Variants in DISP3 observed in about 807,000 individuals in gnomAD.
DISP3 encodes protein dispatched homolog 3.
A neutral mutation model predicts 135.3 loss-of-function variants in DISP3; 101 were observed. The observed-to-expected ratio is 0.75, with a 90% confidence interval of 0.64 to 0.88. DISP3 has a LOEUF of 0.88. Among genes scored for constraint, DISP3 ranks in the 40% least tolerant of loss-of-function variants. The pLI, the probability that DISP3 is intolerant of heterozygous loss-of-function variation, is 0.00. For synonymous variants in DISP3, 856 were observed against 817.0 expected (o/e 1.05, Z -0.81); for missense variants, 1,713 against 1,878.6 (o/e 0.91, Z 1.63).
intron 2 of DISP3, 22 bp from the exon 3 acceptor site, chr1:11,502,656 G>GC (rs1404028479): frequency 1.2e-6 from 2 of 1,605,734 alleles, no homozygotes; most frequent in African/African-American, 2.7e-5. Context: ...AACTCTTGGG[G>GC]CCCCCACCCC....
intron 1 of DISP3, among the ~76,000 whole-genome samples, chr1:11,489,561 C>T (rs1237213992): frequency 3.3e-5 from 5 of 152,184 alleles, no homozygotes; most frequent in African/African-American, 9.7e-5. Flanking sequence ...AGAGAGGTGA[C>T]GGGGAGCCTC....
At chr1:11,534,726 C>A in intron 18 of DISP3, 186 bp downstream of exon 18, 1 of 817,542 alleles carries the variant, frequency 1.2e-6, no homozygotes, top group Non-Finnish European at 1.9e-6. Flanking sequence ...TCGGGGGCAT[C>A]TGGCCACGTT....
chr1:11,493,946 C>G (rs1412222320), intron 1 of DISP3, among the ~76,000 whole-genome samples: 4 of 152,210 alleles, frequency 2.6e-5, no homozygotes, highest in African/African-American at 9.7e-5. Flanking sequence ...GCAGAATTGC[C>G]AGGCCCCGAG....
rs763666078 is a variant in DISP3, at chr1:11,501,043, G to A, written c.51G>A (p.Glu17=). The stretch of plus-strand genomic sequence containing the variant: ...TGCAGGATGTGTGGCTAGAGGAGGA[G>A]CAGGAGGAGGAAGAAGCAACGGGTG... ...PLLQDVWLEE[E]QEEEEATGET... Residue 17 remains glutamate (E), a synonymous_variant, in exon 2 of 21, where the codon GAG becomes GAA. Transcript: ENST00000294484. The surrounding 1 kb of genome is among the most constrained non-coding windows in gnomAD (Gnocchi z 4.9). The A allele has an allele frequency of 4.3e-6, 7 of 1,613,968 alleles. No homozygotes were observed. The East Asian group carries it at 8.9e-5, about 21-fold the overall frequency.
At chr1:11,525,656 G>C (rs1642394245) in intron 12 of DISP3, among the ~76,000 whole-genome samples, 1 of 152,382 alleles carries the variant, frequency 6.6e-6, no homozygotes, top group South Asian at 2.1e-4. Context: ...GGTGAGGCCT[G>C]TGCCGTGCAG....
chr1:11,536,716 T>A lies in DISP3; in HGVS notation c.*30T>A. ...GGACGGGCTCTGGACACTTGCACCT[T>A]TGGTCCCATGGGTGGGGGACAGGAG... On this transcript the variant is annotated 3_prime_UTR_variant, in exon 21 of 21. Transcript: ENST00000294484. This position sits in a 1 kb window ranked among gnomAD's most constrained non-coding sequence, Gnocchi z 4.3. 6.7e-7 allele frequency: 1 copy of A among 1,496,426 alleles called. No individual in the cohort carries two copies. Among genetic ancestry groups the A allele is most frequent in the Non-Finnish European group, 8.9e-7 (1 of 1,124,594 alleles). 92.7% of individuals were successfully genotyped at this position (1,496,426 alleles called of 1,614,324 possible).
At position 11,501,839 on chromosome 1, in the gene DISP3, G is replaced by C. The variant is rs1261011486; in HGVS notation, c.847G>C (p.Gly283Arg). The C allele has an allele frequency of 6.2e-7, 1 of 1,611,706 alleles. No homozygotes were observed. The highest frequency in any genetic ancestry group is 1.1e-5 in the South Asian group (1 of 90,910). ...CATCGAGCTCATCTTCCTGGCGCGC[G>C]GCGACGCGGAGCGCAACATTTTCAC... is the stretch of plus-strand genomic sequence containing the variant. ...WRIELIFLAR[G>R]DAERNIFTSE... Residue 283 changes from glycine (G) to arginine (R), a missense_variant, in exon 2 of 21, where the codon GGC becomes CGC. By Grantham distance (125) the Gly-to-Arg change is moderately radical. Coordinates refer to ENST00000294484, the MANE Select transcript of DISP3 (RefSeq NM_020780.2). The surrounding 1 kb of genome is among the most constrained non-coding windows in gnomAD (Gnocchi z 4.9).
chr1:11,521,383 G>A (rs1180852876), intron 10 of DISP3, among the ~76,000 whole-genome samples: 23 of 121,816 alleles, frequency 1.9e-4, no homozygotes, highest in South Asian at 3.1e-4. Flanking sequence ...AGGAGAGAAG[G>A]GGTGGGGTTA....
Position 11,531,600 on chromosome 1 carries a change from C to T in DISP3, c.3265C>T (p.Pro1089Ser), listed in dbSNP as rs1642577854. The T allele has an allele frequency of 1.9e-6, 3 of 1,613,568 alleles. No homozygotes were observed. Among genetic ancestry groups the T allele is most frequent in the Non-Finnish European group, 2.5e-6 (3 of 1,179,966 alleles). ...SISSFLQMLH[P>S]ECKELPEPNL... Reference sequence around the variant, plus strand: ...CTCCTCCTTCCTGCAGATGTTGCACCCTGAGTGCAAGGAGCTGCCCGAGCC... The same window carrying T: ...CTCCTCCTTCCTGCAGATGTTGCACTCTGAGTGCAAGGAGCTGCCCGAGCC... The change falls in exon 17 of 21, where the codon CCT becomes TCT. Residue 1089 changes from proline (P) to serine (S), a missense_variant. Transcript: ENST00000294484. The surrounding 1 kb of genome is among the most constrained non-coding windows in gnomAD (Gnocchi z 5.2).
chr1:11,519,487 G>A lies in DISP3; in HGVS notation c.2022G>A (p.Glu674=), dbSNP rs1192474369. The part of the protein sequence containing the change: ...PYLDDDIPLL[E]VEEEPVSLEL... ...TGGATGATGACATCCCCTTGCTGGA[G>A]GTCGAGGAAGAGCCAGGTGAGAGCT... is the stretch of plus-strand genomic sequence containing the variant. Residue 674 remains glutamate (E), a synonymous_variant, in exon 8 of 21, where the codon GAG becomes GAA. Transcript: ENST00000294484. The surrounding 1 kb of genome is among the most constrained non-coding windows in gnomAD (Gnocchi z 4.3). 6.2e-7 allele frequency: 1 copy of A among 1,613,620 alleles called. No individual in the cohort carries two copies. Among genetic ancestry groups the A allele is most frequent in the East Asian group, 2.2e-5 (1 of 44,880 alleles).
chr1:11,498,923 C>T (rs1641419806), intron 1 of DISP3, among the ~76,000 whole-genome samples: 1 of 152,162 alleles, frequency 6.6e-6, no homozygotes, highest in Non-Finnish European at 1.5e-5. Flanking sequence ...GCCTCCAAAG[C>T]CGTAGCTCTT....
intron 10 of DISP3, among the ~76,000 whole-genome samples, chr1:11,523,294 A>T (rs1384968186): frequency 6.6e-6 from 1 of 152,108 alleles, no homozygotes; most frequent in Non-Finnish European, 1.5e-5. Flanking sequence ...ACAGGAATAT[A>T]TGTCTCCCAC....
chr1:11,480,952 C>T (rs893627133), intron 1 of DISP3, among the ~76,000 whole-genome samples: 5 of 151,710 alleles, frequency 3.3e-5, no homozygotes, highest in Admixed American at 1.3e-4. Context: ...TTTCTCTAAC[C>T]TTAGTCCAGA....
chr1:11,513,495 A>G (rs940328818), intron 3 of DISP3, among the ~76,000 whole-genome samples: 1 of 152,164 alleles, frequency 6.6e-6, no homozygotes, highest in African/African-American at 2.4e-5. Flanking sequence ...TTTAATGGGA[A>G]GTCTGCTGTC....
At chr1:11,488,059 G>C (rs139654182) in intron 1 of DISP3, among the ~76,000 whole-genome samples, 1 of 152,282 alleles carries the variant, frequency 6.6e-6, no homozygotes, top group East Asian at 1.9e-4. Context: ...GCAGGGTGGG[G>C]GTGTGAGGGA....
intron 17 of DISP3, chr1:11,533,920 C>T: frequency 1.4e-6 from 1 of 711,392 alleles, no homozygotes; most frequent in South Asian, 1.5e-5. Flanking sequence ...TTGCAATTCA[C>T]AGTCCCACCT....
In DISP3 at chr1:11,535,469, T is replaced by G. The variant is rs368011462; in HGVS notation, c.3650-9T>G. On this transcript the variant is annotated splice_polypyrimidine_tract_variant and intron_variant, in intron 19 of 20. Coordinates refer to ENST00000294484, the MANE Select transcript of DISP3 (RefSeq NM_020780.2). ...GATCCGAGCTGCCCCCCCTGCTGTCTCCTTGCAGGCATCGTGTGCCTGGTG... is the reference window on the plus strand; with the variant it reads ...GATCCGAGCTGCCCCCCCTGCTGTCGCCTTGCAGGCATCGTGTGCCTGGTG... 107 of 1,599,434 alleles carry G rather than the reference T, an allele frequency of 6.7e-5. No individual in the cohort carries two copies. The highest frequency in any genetic ancestry group is 8.6e-5 in the Non-Finnish European group (101 of 1,170,910).
At chr1:11,533,689 G>T in intron 17 of DISP3, 1 of 679,430 alleles carries the variant, frequency 1.5e-6, no homozygotes, top group Non-Finnish European at 2.7e-6. Flanking sequence ...TCACCACACG[G>T]CAAGGTGCCC....
In DISP3 at chr1:11,501,789, A is replaced by G. The variant is rs1421166119; in HGVS notation, c.797A>G (p.Asn266Ser). 10 of 1,601,112 alleles carry G rather than the reference A, an allele frequency of 6.2e-6. No individual in the cohort carries two copies. The highest frequency in any genetic ancestry group is 2.7e-5 in the African/African-American group (2 of 74,658). Residue 266 changes from asparagine (N) to serine (S), a missense_variant, in exon 2 of 21, where the codon AAC becomes AGC. Asn to Ser is a conservative substitution (Grantham distance 46, BLOSUM62 1). Transcript: ENST00000294484. This position sits in a 1 kb window ranked among gnomAD's most constrained non-coding sequence, Gnocchi z 4.9. ...WDYSRAYVSA[N>S]TQTHAHWRIE... ...TACTCGCGCGCCTATGTGAGTGCCA[A>G]CACTCAGACGCACGCGCACTGGCGC...
Sources: allele counts gnomAD v4.1 joint callset (sites outside exome capture counted in the v4.1 genomes callset), GRCh38; gene constraint gnomAD v4.1.1; non-coding constraint Gnocchi (gnomAD v3.1); transcripts MANE v1.5; gene names NCBI Gene and HGNC (gene_info 2026-07-23, HGNC 2026-07-21).